PBRM1: variants seen among roughly 807,000 people sequenced by gnomAD.
PBRM1 encodes the protein polybromo 1.
A neutral mutation model predicts 194.5 loss-of-function variants in PBRM1; 27 were observed. That is an observed-to-expected ratio of 0.14 (90% CI 0.10 to 0.19). The LOEUF is 0.19. PBRM1 is among the 10% of genes least tolerant of loss of function. PBRM1 has a pLI of 1.00. For synonymous variants in PBRM1, 655 were observed against 693.2 expected, an observed-to-expected ratio of 0.94 and a Z score of 0.87; for missense variants, 1,466 against 2,077.2, an observed-to-expected ratio of 0.71 and a Z score of 5.72.
chr3:52,563,543 A>T (rs1171015440), intron 23 of PBRM1, 50 bp from the exon 26 acceptor site: 1 of 1,319,378 alleles, frequency 7.6e-7, no homozygotes, highest in Non-Finnish European at 1.1e-6. Context: ...CCCCTCCAGA[A>T]TAAGCCGGAA....
At chr3:52,624,843 G>T (rs1180299931) in intron 13 of PBRM1, 54 bp downstream of exon 15, 5 of 1,185,994 alleles carry the variant, frequency 4.2e-6, no homozygotes, top group Non-Finnish European at 4.9e-6. Flanking sequence ...TACTGATCAT[G>T]CCACAGAAGA....
chr3:52,634,714 G>A (rs1394725381), exon 11 of PBRM1: 7 of 1,613,570 alleles, frequency 4.3e-6, no homozygotes, highest in Non-Finnish European at 5.9e-6. Flanking sequence ...TGGTTATTCC[G>A]ACAACTCCTA....
chr3:52,557,939 C>G (rs1017113696), intron 26 of PBRM1, among the ~76,000 whole-genome samples: 2 of 152,192 alleles, frequency 1.3e-5, no homozygotes, highest in Non-Finnish European at 2.9e-5. Flanking sequence ...AATTCAGGGT[C>G]TACTTTCATA....
exon 18 of PBRM1, chr3:52,589,145 C>T (rs756858926): frequency 4.3e-6 from 7 of 1,613,012 alleles, no homozygotes; most frequent in African/African-American, 4.0e-5. Flanking sequence ...TCCACATAGA[C>T]GTAATCTCCA....
At chr3:52,564,077 A>G (rs765581705) in exon 23 of PBRM1, 79 of 1,609,740 alleles carry the variant, frequency 4.9e-5, no homozygotes, top group Non-Finnish European at 6.4e-5. Flanking sequence ...ATCATCTACC[A>G]CTTTAGCAGA....
exon 17 of PBRM1, chr3:52,603,527 T>C: frequency 6.3e-7 from 1 of 1,596,870 alleles, no homozygotes; most frequent in Non-Finnish European, 8.6e-7. Flanking sequence ...CAACCTCTTT[T>C]TTCTTCTTCT....
Position 52,579,211 on chromosome 3 carries a change from A to G in PBRM1, c.3388-12T>C, listed in dbSNP as rs761580550. On this transcript the variant is annotated splice_polypyrimidine_tract_variant and intron_variant, in intron 20 of 29. Transcript: ENST00000296302. ...ACATCTTCTTTTTCCTGTTGTAAAG[A>G]AAACTGGCTGAAGAAAGGTAGTTGA... The G allele has an allele frequency of 6.2e-7, 1 of 1,612,932 alleles. No homozygotes were observed. Among genetic ancestry groups the G allele is most frequent in the East Asian group, 2.2e-5 (1 of 44,886 alleles).
chr3:52,622,357 A>C (rs2095310112), intron 13 of PBRM1, among the ~76,000 whole-genome samples: 1 of 141,304 alleles, frequency 7.1e-6, no homozygotes, highest in African/African-American at 2.5e-5. Flanking sequence ...AAAAAAAAGA[A>C]AGACAAAAAA....
chr3:52,679,487 C>T (rs2097167871), intron 1 of PBRM1, 87 bp downstream of exon 2: 5 of 1,234,788 alleles, frequency 4.0e-6, no homozygotes, highest in Middle Eastern at 2.0e-4. Flanking sequence ...GTGGAGATGC[C>T]TTGCATCGTA....
In PBRM1 at chr3:52,604,418, C is replaced by T. The variant is rs1177983158; in HGVS notation, c.2568-686G>A. ...CTCCTTCCTCATTTATGAAATAAAGCGGCCAGGCATGGTGGCTCATGCCTA... is the reference window on the plus strand; with the variant it reads ...CTCCTTCCTCATTTATGAAATAAAGTGGCCAGGCATGGTGGCTCATGCCTA... On this transcript the variant is annotated intron_variant, in intron 16 of 29. Transcript: ENST00000296302. Among the ~76,000 whole-genome samples, 3 of 152,160 alleles carry T rather than the reference C, an allele frequency of 2.0e-5. No individual in the cohort carries two copies. In the East Asian group the frequency reaches 5.8e-4, roughly 29 times the overall value.
chr3:52,634,890 C>G, intron 10 of PBRM1, 75 bp from the exon 12 acceptor site: 1 of 999,826 alleles, frequency 1.0e-6, no homozygotes, highest in Admixed American at 2.1e-5. Context: ...GTTCATTTAA[C>G]AACCTTCCAG....
intron 24 of PBRM1, 76 bp from the exon 27 acceptor site, chr3:52,562,044 G>C: frequency 8.6e-7 from 1 of 1,167,718 alleles, no homozygotes; most frequent in Non-Finnish European, 1.3e-6. Context: ...GAAGCCAGCC[G>C]GGCGCGGTGG....
chr3:52,658,121 T>C (rs2096644790), intron 5 of PBRM1, 78 bp downstream of exon 6: 23 of 759,752 alleles, frequency 3.0e-5, no homozygotes, highest in Non-Finnish European at 2.4e-6. Context: ...CTTACTTTAT[T>C]TATCAGTAAT....
At chr3:52,681,517 C>G (rs1328479980), upstream of PBRM1, among the ~76,000 whole-genome samples, 1 of 152,168 alleles carries the variant, frequency 6.6e-6, no homozygotes, top group East Asian at 1.9e-4. Flanking sequence ...GGACTCAATT[C>G]ATTAAGATAA....
intron 2 of PBRM1, among the ~76,000 whole-genome samples, chr3:52,675,280 C>A (rs1405527209): frequency 2.0e-5 from 3 of 152,146 alleles, no homozygotes; most frequent in African/African-American, 7.2e-5. Context: ...GAATTCTAAC[C>A]AGACATTTCA....
chr3:52,659,788 T>C (rs760953510), intron 4 of PBRM1, among the ~76,000 whole-genome samples: 8 of 152,084 alleles, frequency 5.3e-5, no homozygotes, highest in African/African-American at 7.2e-5. Context: ...ATGAGAATCA[T>C]TGAGTTATAA....
intron 22 of PBRM1, among the ~76,000 whole-genome samples, chr3:52,571,626 C>CAAA (rs778993265): frequency 2.3e-4 from 9 of 38,708 alleles, no homozygotes; most frequent in African/African-American, 4.1e-4. Flanking sequence ...AACTCCATCT[C>CAAA]AAAAAAAAAA....
chr3:52,624,598 C>T (rs1373434093), intron 13 of PBRM1, among the ~76,000 whole-genome samples: 2 of 152,222 alleles, frequency 1.3e-5, no homozygotes, highest in Non-Finnish European at 2.9e-5. Context: ...TGCACCAGCA[C>T]TGCCACCTTC....
chr3:52,607,064 C>T (rs184636758), intron 16 of PBRM1, among the ~76,000 whole-genome samples: 120 of 152,186 alleles, frequency 7.9e-4, no homozygotes, highest in African/African-American at 2.7e-3. Context: ...TGGAAATCTA[C>T]GGTATGTAGA....
Sources: allele counts gnomAD v4.1 joint callset (sites outside exome capture counted in the v4.1 genomes callset), GRCh38; gene constraint gnomAD v4.1.1; transcripts MANE v1.5; gene names NCBI Gene and HGNC (gene_info 2026-07-23, HGNC 2026-07-21).